PLXNA2: variants seen among roughly 807,000 people sequenced by gnomAD.
PLXNA2 encodes the protein plexin-A2.
A neutral mutation model predicts 193.5 loss-of-function variants in PLXNA2; 91 were observed. The ratio of observed to expected loss-of-function variants is 0.47; its 90% confidence interval spans 0.40 to 0.56. PLXNA2 has a LOEUF of 0.56. Ranked by LOEUF, PLXNA2 falls within the 20% of genes least tolerant of loss-of-function variation. The pLI is 0.00. For synonymous variants in PLXNA2, 997 were observed against 1,027.3 expected (o/e 0.97, Z 0.56); for missense variants, 1,995 against 2,503.2 (o/e 0.80, Z 4.33).
intron 3 of PLXNA2, among the ~76,000 whole-genome samples, chr1:208,186,427 GA>G (rs1193512381): frequency 6.6e-6 from 1 of 152,002 alleles, no homozygotes; most frequent in African/African-American, 2.4e-5. Flanking sequence ...CAAACAAACG[GA>G]AAAAAACACA....
chr1:208,176,803 G>C (rs1424547751), intron 3 of PLXNA2, among the ~76,000 whole-genome samples: 2 of 152,176 alleles, frequency 1.3e-5, no homozygotes, highest in Non-Finnish European at 2.9e-5. Context: ...CCAAACTCTT[G>C]AGCACTGACA....
At chr1:208,195,464 C>A (rs940769793) in intron 3 of PLXNA2, among the ~76,000 whole-genome samples, 1 of 152,160 alleles carries the variant, frequency 6.6e-6, no homozygotes, top group African/African-American at 2.4e-5. Flanking sequence ...GCTTATCCCA[C>A]CCCCTACTTT....
chr1:208,221,614 C>A (rs908765449), intron 1 of PLXNA2, among the ~76,000 whole-genome samples: 1 of 152,076 alleles, frequency 6.6e-6, no homozygotes, highest in Non-Finnish European at 1.5e-5. Flanking sequence ...GAGGTTTGCA[C>A]CCCACCTTGG....
chr1:208,211,040 A>G (rs1670926407), intron 2 of PLXNA2, among the ~76,000 whole-genome samples: 1 of 152,228 alleles, frequency 6.6e-6, no homozygotes, highest in African/African-American at 2.4e-5. Flanking sequence ...ATCTTTCCAT[A>G]CTGGAAAGAG....
chr1:208,200,946 T>C (rs1157614761), intron 3 of PLXNA2, among the ~76,000 whole-genome samples: 1 of 152,134 alleles, frequency 6.6e-6, no homozygotes, highest in Non-Finnish European at 1.5e-5. Context: ...ATGGGACTAA[T>C]GAACTAATAG....
chr1:208,093,525 A>G (rs1390532365), intron 8 of PLXNA2, among the ~76,000 whole-genome samples: 1 of 152,202 alleles, frequency 6.6e-6, no homozygotes, highest in Non-Finnish European at 1.5e-5. Flanking sequence ...TGCATAGAAA[A>G]TGGTTTCGAA....
chr1:208,100,391 G>C (rs1501532), intron 5 of PLXNA2, among the ~76,000 whole-genome samples: 147,222 of 152,176 alleles, frequency 0.97, 71,425 homozygotes, highest in East Asian at 1. Flanking sequence ...ATGATAATAC[G>C]TATTTCACAG....
chr1:208,137,035 G>A (rs936287795), intron 4 of PLXNA2, among the ~76,000 whole-genome samples: 1 of 152,198 alleles, frequency 6.6e-6, no homozygotes, highest in African/African-American at 2.4e-5. Context: ...CATATACTTA[G>A]TAAGTGTCTA....
chr1:208,074,856 C>T (rs1248197554), intron 12 of PLXNA2, among the ~76,000 whole-genome samples: 1 of 152,126 alleles, frequency 6.6e-6, no homozygotes, highest in Non-Finnish European at 1.5e-5. Context: ...ATTTACTGCA[C>T]AGAGTGGCTG....
intron 4 of PLXNA2, among the ~76,000 whole-genome samples, chr1:208,122,217 A>G (rs1399600435): frequency 2.6e-5 from 4 of 152,234 alleles, no homozygotes; most frequent in Non-Finnish European, 4.4e-5. Context: ...CCAACAGATG[A>G]GATCCTAGAT....
chr1:208,168,662 C>T (rs1669385414), intron 3 of PLXNA2, among the ~76,000 whole-genome samples: 1 of 147,184 alleles, frequency 6.8e-6, no homozygotes, highest in Non-Finnish European at 1.5e-5. Flanking sequence ...AGCAGGCCCT[C>T]AGAGACTAGG....
At chr1:208,132,361 A>C (rs1668183611) in intron 4 of PLXNA2, among the ~76,000 whole-genome samples, 1 of 152,206 alleles carries the variant, frequency 6.6e-6, no homozygotes, top group African/African-American at 2.4e-5. Context: ...GCCACAGGGC[A>C]GCCAGGGGGC....
intron 1 of PLXNA2, among the ~76,000 whole-genome samples, chr1:208,233,954 G>A (rs1558258798): frequency 6.6e-6 from 1 of 152,170 alleles, no homozygotes; most frequent in Non-Finnish European, 1.5e-5. Flanking sequence ...TGTGTGCTAA[G>A]GGCCGGCAGA....
chr1:208,225,045 G>T (rs1359907828), intron 1 of PLXNA2, among the ~76,000 whole-genome samples: 1 of 152,180 alleles, frequency 6.6e-6, no homozygotes, highest in East Asian at 1.9e-4. Context: ...CTGTGAGAGG[G>T]GAGCTGCGTG....
chr1:208,038,954 T>C lies in PLXNA2; in HGVS notation c.4531A>G (p.Asn1511Asp). ...ACCTTCACTGGGATCTCTGGACTGTTCTCGTTGTCAGGGTTGACGCAGTTC... is the reference window on the plus strand; with the variant it reads ...ACCTTCACTGGGATCTCTGGACTGTCCTCGTTGTCAGGGTTGACGCAGTTC... Reference protein sequence around the residue: ...ILNCVNPDNENSPEIPVKVLN... With the variant: ...ILNCVNPDNEDSPEIPVKVLN... Residue 1511 changes from asparagine (N) to aspartate (D), a missense_variant, in exon 25 of 32, where the codon AAC becomes GAC. Asn to Asp is a conservative substitution (Grantham distance 23). Around this residue, in one of 3 missense-constraint regions of PLXNA2, gnomAD observed 1,291 missense variants for 1,673.6 expected, o/e 0.77. Transcript: ENST00000367033. The surrounding 1 kb of genome is among the most constrained non-coding windows in gnomAD (Gnocchi z 4.1). 1 of 1,614,110 alleles carries C rather than the reference T, an allele frequency of 6.2e-7. No homozygotes were observed. The highest frequency in any genetic ancestry group is 8.5e-7 in the Non-Finnish European group (1 of 1,180,010).
chr1:208,174,857 G>C (rs900156077), intron 3 of PLXNA2, among the ~76,000 whole-genome samples: 1 of 152,188 alleles, frequency 6.6e-6, no homozygotes, highest in Admixed American at 6.5e-5. Flanking sequence ...GGATACAAGA[G>C]AAATTCCCCG....
At chr1:208,085,325 C>A (rs908082326) in intron 9 of PLXNA2, among the ~76,000 whole-genome samples, 2 of 152,200 alleles carry the variant, frequency 1.3e-5, no homozygotes, top group Admixed American at 6.5e-5. Flanking sequence ...TCTCCTCGGG[C>A]AGATGAGCCT....
At chr1:208,058,547 G>A (rs1665516355) in intron 13 of PLXNA2, among the ~76,000 whole-genome samples, 2 of 152,136 alleles carry the variant, frequency 1.3e-5, no homozygotes, top group South Asian at 4.1e-4. Context: ...AATGATGTTA[G>A]CAAACTCTGA....
At chr1:208,055,296 C>A (rs1342499033) in intron 13 of PLXNA2, among the ~76,000 whole-genome samples, 1 of 152,142 alleles carries the variant, frequency 6.6e-6, no homozygotes, top group East Asian at 1.9e-4. Flanking sequence ...TCGAGCAGCC[C>A]AGATCAATAC....
Sources: gnomAD v4.1 joint callset for allele counts (sites outside exome capture counted in the v4.1 genomes callset) on GRCh38, gnomAD v4.1.1 for gene constraint, gnomAD v4.1.1 regional missense constraint, Gnocchi (gnomAD v3.1) non-coding constraint, MANE v1.5 for transcripts, NCBI Gene and HGNC (gene_info 2026-07-23, HGNC 2026-07-21) for gene names.